SCN4A: variants seen among roughly 807,000 people sequenced by gnomAD.
SCN4A encodes the protein sodium channel protein type 4 subunit alpha.
SCN4A carries 83 observed loss-of-function variants against 162.0 expected under a neutral mutation model. That is an observed-to-expected ratio of 0.51 (90% confidence interval 0.43 to 0.61). The LOEUF (loss-of-function observed/expected upper bound fraction) is 0.61. SCN4A is among the 20% of genes least tolerant of loss of function. SCN4A has a pLI of 0.00. For synonymous variants in SCN4A, 944 were observed against 985.1 expected (o/e 0.96, Z 0.78); for missense variants, 2,196 against 2,462.5 (o/e 0.89, Z 2.29).
chr17:63,940,731 G>T lies in SCN4A; in HGVS notation c.*40C>A, dbSNP rs746840155. ...GCAGGCACCACGGGGGAGCTCTGGG[G>T]ACTATGCCGAGACTCAGTGGGCCAC... On this transcript the variant is annotated 3_prime_UTR_variant, in exon 24 of 24. Transcript: ENST00000435607. 2.0e-6 allele frequency: 3 copies of T among 1,525,018 alleles called. No individual in the cohort carries two copies. Among genetic ancestry groups the T allele is most frequent in the East Asian group, 4.5e-5 (2 of 44,084 alleles). The allele number at this position is 1,525,018 out of a possible 1,614,324, so 94.5% of individuals were successfully genotyped here. A position where few individuals can be genotyped will look rare whatever the true frequency, so the allele number is the denominator to read the frequency against.
chr17:63,964,323 C>A, intron 9 of SCN4A, 145 bp downstream of exon 9: 1 of 665,732 alleles, frequency 1.5e-6, no homozygotes, highest in Non-Finnish European at 2.6e-6. Flanking sequence ...AAGCTCCCAG[C>A]CCAGGGCCTT....
intron 13 of SCN4A, among the ~76,000 whole-genome samples, chr17:63,954,862 C>T (rs1909022679): frequency 6.6e-6 from 1 of 152,164 alleles, no homozygotes; most frequent in South Asian, 2.1e-4. Context: ...CACACAGAAG[C>T]AGGGCCTGTA....
intron 5 of SCN4A, 61 bp downstream of exon 5, chr17:63,971,101 G>C: frequency 1.8e-6 from 2 of 1,099,316 alleles, no homozygotes. Flanking sequence ...CAGGTTCCAG[G>C]CCTGCACATG....
Position 63,963,723 on chromosome 17 carries a change from C to T in SCN4A, c.1555G>A (p.Ala519Thr). Residue 519 changes from alanine to threonine, a missense_variant, in exon 10 of 24, where the codon GCC becomes ACC. Physicochemically the swap from Ala to Thr is moderately conservative, Grantham distance 58 (BLOSUM62 0). Coordinates refer to ENST00000435607, the MANE Select transcript of SCN4A (RefSeq NM_000334.4). ...SLDTSQGEKGAPRQSSSGDSG... is the reference protein window; with the variant it reads ...SLDTSQGEKGTPRQSSSGDSG... ...TCTCCGCTGCTGCTCTGCCTCGGGG[C>T]TCCCTTCTCCCCTTGCGATGTGTCC... The T allele has an allele frequency of 6.2e-7, 1 of 1,602,590 alleles. No homozygotes were observed. Among genetic ancestry groups the T allele is most frequent in the Non-Finnish European group, 8.5e-7 (1 of 1,174,156 alleles).
intron 16 of SCN4A, 90 bp from the exon 17 acceptor site, chr17:63,948,153 CG>C: frequency 5.5e-6 from 6 of 1,094,320 alleles, no homozygotes; most frequent in Non-Finnish European, 6.3e-6. Context: ...TGCTGGTTCC[CG>C]GGGGTCTGCC....
At chr17:63,965,335 C>T (rs1909404554) in intron 8 of SCN4A, among the ~76,000 whole-genome samples, 1 of 152,200 alleles carries the variant, frequency 6.6e-6, no homozygotes, top group African/African-American at 2.4e-5. Context: ...TGAGCCACTG[C>T]ACCCAGCCAG....
chr17:63,947,754 G>A, intron 17 of SCN4A, 136 bp downstream of exon 17: 1 of 807,486 alleles, frequency 1.2e-6, no homozygotes, highest in South Asian at 1.9e-5. Flanking sequence ...TGTCTGAGAA[G>A]GGCAGCACTG....
Position 63,942,882 on chromosome 17 carries a change from T to C in SCN4A, c.4232A>G (p.Tyr1411Cys). The change falls in exon 23 of 24, where the codon TAC (tyrosine) becomes TGC (cysteine). Residue 1411 changes from tyrosine to cysteine, a missense_variant. Physicochemically the swap from Tyr to Cys is radical, Grantham distance 194. Transcript: ENST00000435607. Reference protein sequence around the residue: ...VLKMLALRQYYFTVGWNIFDF... With the variant: ...VLKMLALRQYCFTVGWNIFDF... ...AAAGATGTTCCAGCCAACGGTGAAG[T>C]AGTACTGGCGCAGGGCGAGCATCTT... 1 of 1,613,924 alleles carries C rather than the reference T, an allele frequency of 6.2e-7. No individual in the cohort carries two copies. Among genetic ancestry groups the C allele is most frequent in the Non-Finnish European group, 8.5e-7 (1 of 1,179,860 alleles).
At chr17:63,961,877 C>CCCGGCTCCAAGCTCCT (rs61651568) in intron 10 of SCN4A, among the ~76,000 whole-genome samples, 6,234 of 143,378 alleles carry the variant, frequency 0.043, 381 homozygotes, top group African/African-American at 0.13. Context: ...AAGCCCCACC[C>CCCGGCTCCAAGCTCCT]CCGGCTCCAA....
chr17:63,957,082 G>A lies in SCN4A; in HGVS notation c.2376+80C>T, dbSNP rs1909091165. 1.1e-5 allele frequency: 11 copies of A among 958,698 alleles called. 2 individuals carry two copies. Among genetic ancestry groups the A allele is most frequent in the Non-Finnish European group, 1.6e-6 (1 of 637,884 alleles). The allele number at this position is 958,698 out of a possible 1,614,324, so 59.4% of individuals were successfully genotyped here. A position where few individuals can be genotyped will look rare whatever the true frequency, so the allele number is the denominator to read the frequency against. On this transcript the variant is annotated intron_variant, in intron 13 of 23. Transcript: ENST00000435607. The stretch of plus-strand genomic sequence containing the variant: ...CATTTTGGAGAGGATGTGTTGGGGA[G>A]ATAGAAAACAGTCAAATATCAGGTA...
intron 3 of SCN4A, 77 bp from the exon 4 acceptor site, chr17:63,971,927 G>A (rs996918378): frequency 3.4e-6 from 5 of 1,485,386 alleles, no homozygotes; most frequent in Non-Finnish European, 4.7e-6. Flanking sequence ...ACCCCCAGAA[G>A]GGAGGGACAC....
At chr17:63,947,859 G>A in intron 17 of SCN4A, 31 bp downstream of exon 17, 5 of 1,608,616 alleles carry the variant, frequency 3.1e-6, no homozygotes, top group South Asian at 1.1e-5. Flanking sequence ...GCCTCTGGAT[G>A]TAGCTACGGG....
intron 5 of SCN4A, 58 bp downstream of exon 5, chr17:63,971,104 T>C (rs1909594214): frequency 1.8e-6 from 2 of 1,131,022 alleles, no homozygotes; most frequent in Non-Finnish European, 2.6e-6. Context: ...GTTCCAGGCC[T>C]GCACATGGTA....
Position 63,951,906 on chromosome 17 carries a change from G to T in SCN4A, c.2377-6C>A. ...GCCAGGAACAGGTTCAGGACCTGGGGCATGGGGTCAGGGGGAGCCTCACAT... is the reference window on the plus strand; with the variant it reads ...GCCAGGAACAGGTTCAGGACCTGGGTCATGGGGTCAGGGGGAGCCTCACAT... On this transcript the variant is annotated splice_region_variant and splice_polypyrimidine_tract_variant and intron_variant, in intron 13 of 23. Transcript: ENST00000435607. The surrounding 1 kb of genome is among the most constrained non-coding windows in gnomAD (Gnocchi z 4.5). The T allele has an allele frequency of 6.6e-7, 1 of 1,510,776 alleles. No individual in the cohort carries two copies. The highest frequency in any genetic ancestry group is 8.9e-7 in the Non-Finnish European group (1 of 1,128,942). The allele number at this position is 1,510,776 out of a possible 1,614,324, so 93.6% of individuals were successfully genotyped here.
chr17:63,969,857 G>A (rs1369746852), intron 5 of SCN4A, among the ~76,000 whole-genome samples: 1 of 151,892 alleles, frequency 6.6e-6, no homozygotes, highest in African/African-American at 2.4e-5. Flanking sequence ...TGGCCAGGCT[G>A]GTCTCAGAGT....
At position 63,944,582 on chromosome 17, in the gene SCN4A, C is replaced by T. The variant is rs115320521; in HGVS notation, c.3912+91G>A. On this transcript the variant is annotated intron_variant, in intron 21 of 23. Coordinates refer to ENST00000435607, the MANE Select transcript of SCN4A (RefSeq NM_000334.4). This position sits in a 1 kb window ranked among gnomAD's most constrained non-coding sequence, Gnocchi z 4.3. ...AACAACCTGGTAGGTGCTCAGGCAG[C>T]GTTTGTGGGTTTGTGCAATGGAGAG... 7,569 of 1,408,992 alleles carry T rather than the reference C, an allele frequency of 5.4e-3. 84 individuals carry two copies. Among genetic ancestry groups the T allele is most frequent in the African/African-American group, 0.044 (3,100 of 70,090 alleles). The allele number at this position is 1,408,992 out of a possible 1,614,324, so 87.3% of individuals were successfully genotyped here.
At chr17:63,962,602 A>G (rs1324477606) in intron 10 of SCN4A, among the ~76,000 whole-genome samples, 4 of 152,124 alleles carry the variant, frequency 2.6e-5, no homozygotes, top group Non-Finnish European at 5.9e-5. Flanking sequence ...TTTCAAAGAC[A>G]AAGAAAAGGG....
intron 23 of SCN4A, 32 bp downstream of exon 23, chr17:63,942,794 G>A: frequency 6.2e-7 from 1 of 1,600,366 alleles, no homozygotes; most frequent in Non-Finnish European, 8.5e-7. Flanking sequence ...TCAGCTCAGT[G>A]CTGCCCTGCC....
intron 15 of SCN4A, 70 bp downstream of exon 15, chr17:63,949,323 G>C (rs1392399725): frequency 6.8e-7 from 1 of 1,481,396 alleles, no homozygotes; most frequent in Non-Finnish European, 9.0e-7. Context: ...TTTGGTCCTG[G>C]TGTAGCCTGC....
Sources: gnomAD v4.1 joint callset for allele counts (sites outside exome capture counted in the v4.1 genomes callset) on GRCh38, gnomAD v4.1.1 for gene constraint, Gnocchi (gnomAD v3.1) non-coding constraint, MANE v1.5 for transcripts, NCBI Gene and HGNC (gene_info 2026-07-23, HGNC 2026-07-21) for gene names.